PGCKA1: variants seen among roughly 807,000 people sequenced by gnomAD.
PGCKA1 encodes PDCD10 and GCKIII kinases-associated protein 1.
At chr4:37,491,384 T>A in the PGCKA1 span, among the ~76,000 whole-genome samples, 1 of 152,244 alleles carries the variant, frequency 6.6e-6, no homozygotes, top group Non-Finnish European at 1.5e-5. Flanking sequence ...ATTATGACTA[T>A]ATGTGATATT....
the PGCKA1 span, among the ~76,000 whole-genome samples, chr4:37,543,529 GTTCAT>G: frequency 1.3e-5 from 2 of 151,916 alleles, no homozygotes; most frequent in Non-Finnish European, 2.9e-5. Context: ...TAGTTATTCT[GTTCAT>G]TTCATCTCTT....
the PGCKA1 span, among the ~76,000 whole-genome samples, chr4:37,563,510 A>G: frequency 1.3e-5 from 2 of 151,914 alleles, no homozygotes; most frequent in Non-Finnish European, 2.9e-5. Context: ...TTAGGACCCC[A>G]CCCTGATGAC....
At chr4:37,517,330 G>A in the PGCKA1 span, among the ~76,000 whole-genome samples, 2 of 148,956 alleles carry the variant, frequency 1.3e-5, no homozygotes, top group Non-Finnish European at 3.0e-5. Context: ...GAGAGAGAGA[G>A]CACCTGTGTA....
the PGCKA1 span, among the ~76,000 whole-genome samples, chr4:37,526,773 T>G: frequency 1.3e-5 from 2 of 152,230 alleles, no homozygotes; most frequent in Non-Finnish European, 1.5e-5. Context: ...TAGTACATAC[T>G]TGACAATGAT....
At chr4:37,574,335 G>C in the PGCKA1 span, among the ~76,000 whole-genome samples, 1 of 152,004 alleles carries the variant, frequency 6.6e-6, no homozygotes, top group African/African-American at 2.4e-5. Flanking sequence ...GGTCCACACG[G>C]TTCTTTTTTT....
chr4:37,464,909 C>A, the PGCKA1 span, among the ~76,000 whole-genome samples: 1 of 152,166 alleles, frequency 6.6e-6, no homozygotes, highest in Admixed American at 6.5e-5. Flanking sequence ...AAGGAAGCAA[C>A]AGTGGAGTTC....
the PGCKA1 span, among the ~76,000 whole-genome samples, chr4:37,548,958 G>A: frequency 2.6e-5 from 4 of 152,326 alleles, no homozygotes; most frequent in South Asian, 2.1e-4. Context: ...TGGTCCTCCA[G>A]TCGACCAGGC....
the PGCKA1 span, among the ~76,000 whole-genome samples, chr4:37,523,929 T>G: frequency 6.6e-6 from 1 of 152,216 alleles, no homozygotes; most frequent in African/African-American, 2.4e-5. Context: ...AACTTCACTG[T>G]CATGACCTAA....
the PGCKA1 span, among the ~76,000 whole-genome samples, chr4:37,533,329 G>C: frequency 6.6e-6 from 1 of 152,082 alleles, no homozygotes; most frequent in Admixed American, 6.6e-5. Context: ...GAATTAAAGG[G>C]GGGTTAAGAG....
At chr4:37,567,129 TAAAAAC>T in the PGCKA1 span, among the ~76,000 whole-genome samples, 1 of 152,106 alleles carries the variant, frequency 6.6e-6, no homozygotes, top group Non-Finnish European at 1.5e-5. Flanking sequence ...ATTATAGTAA[TAAAAAC>T]AATAACAACA....
At chr4:37,530,288 C>T in the PGCKA1 span, among the ~76,000 whole-genome samples, 1 of 152,248 alleles carries the variant, frequency 6.6e-6, no homozygotes, top group Admixed American at 6.5e-5. Context: ...AATAGCAATG[C>T]CGGCTGGGCA....
the PGCKA1 span, among the ~76,000 whole-genome samples, chr4:37,583,767 TC>T: frequency 2.7e-4 from 41 of 152,182 alleles, no homozygotes; most frequent in Non-Finnish European, 4.6e-4. Context: ...GACACAGCCA[TC>T]CTAATGGTGT....
chr4:37,455,142 G>A, the PGCKA1 span, among the ~76,000 whole-genome samples: 4 of 152,126 alleles, frequency 2.6e-5, no homozygotes, highest in African/African-American at 9.7e-5. Context: ...GAAAGAAATG[G>A]AAAGCGGTTA....
chr4:37,552,002 C>A, the PGCKA1 span, among the ~76,000 whole-genome samples: 1 of 152,152 alleles, frequency 6.6e-6, no homozygotes, highest in Non-Finnish European at 1.5e-5. Context: ...AAGAGATAAA[C>A]CCTCTCATAT....
the PGCKA1 span, among the ~76,000 whole-genome samples, chr4:37,535,538 C>A: frequency 6.6e-6 from 1 of 152,160 alleles, no homozygotes; most frequent in Non-Finnish European, 1.5e-5. Flanking sequence ...TAGACAGCTT[C>A]CAGAGCCCCA....
At chr4:37,555,448 A>G in the PGCKA1 span, among the ~76,000 whole-genome samples, 4 of 152,186 alleles carry the variant, frequency 2.6e-5, no homozygotes, top group Non-Finnish European at 5.9e-5. Flanking sequence ...GATTCCTTGC[A>G]TGGCCCTGGA....
the PGCKA1 span, among the ~76,000 whole-genome samples, chr4:37,488,197 A>G: frequency 6.6e-6 from 1 of 152,216 alleles, no homozygotes; most frequent in Non-Finnish European, 1.5e-5. Flanking sequence ...AAATAAGACA[A>G]TAATAGTTAA....
chr4:37,518,809 C>T, the PGCKA1 span, among the ~76,000 whole-genome samples: 2 of 152,100 alleles, frequency 1.3e-5, no homozygotes. Flanking sequence ...TGTTGGTTGC[C>T]TGTGCTTAGG....
chr4:37,457,691 AC>A, the PGCKA1 span, among the ~76,000 whole-genome samples: 1 of 152,254 alleles, frequency 6.6e-6, no homozygotes, highest in African/African-American at 2.4e-5. Flanking sequence ...CAGATTGTCA[AC>A]AACCTTAGTC....
Sources: gnomAD v4.1 joint callset for allele counts (sites outside exome capture counted in the v4.1 genomes callset) on GRCh38, gnomAD v4.1.1 for gene constraint, MANE v1.5 for transcripts, NCBI Gene and HGNC (gene_info 2026-07-23, HGNC 2026-07-21) for gene names.